Variants in ODR4 observed in about 807,000 individuals in gnomAD.
ODR4 encodes the protein odr-4 GPCR localization factor homolog.
Under a neutral mutation model 60.2 loss-of-function variants are expected in ODR4, and 47 were observed. That is an observed-to-expected ratio of 0.78 (90% confidence interval 0.62 to 1.00). The LOEUF (loss-of-function observed/expected upper bound fraction) is 1.00. Ranked by LOEUF, ODR4 falls within the 50% of genes least tolerant of loss-of-function variation. The pLI is 0.00. For synonymous variants in ODR4, 178 were observed against 175.5 expected (o/e 1.01, Z -0.11); for missense variants, 488 against 530.8 (o/e 0.92, Z 0.79).
chr1:186,412,796 TG>T (rs1226456705), intron 12 of ODR4, among the ~76,000 whole-genome samples: 1 of 152,080 alleles, frequency 6.6e-6, no homozygotes, highest in African/African-American at 2.4e-5. Context: ...TGTGAGAATT[TG>T]GTAAAACTGT....
chr1:186,417,409 T>G, intron 12 of ODR4, 135 bp from the exon 13 acceptor site: 1 of 642,398 alleles, frequency 1.6e-6, no homozygotes, highest in Non-Finnish European at 2.8e-6. Context: ...AATGAACAAA[T>G]TCAGTATGTT....
intron 13 of ODR4, among the ~76,000 whole-genome samples, chr1:186,418,770 A>C (rs1365323829): frequency 6.6e-6 from 1 of 152,220 alleles, no homozygotes. Context: ...CTCAGTGCAC[A>C]TGTGTGCAAG....
intron 10 of ODR4, 66 bp downstream of exon 10, chr1:186,398,507 AT>A (rs1660786717): frequency 4.2e-6 from 6 of 1,436,672 alleles, no homozygotes; most frequent in Non-Finnish European, 4.7e-6. Flanking sequence ...AAATTTTACC[AT>A]TTTTTAATCT....
chr1:186,392,589 G>C (rs373739394), intron 8 of ODR4, among the ~76,000 whole-genome samples: 1 of 152,192 alleles, frequency 6.6e-6, no homozygotes, highest in Non-Finnish European at 1.5e-5. Flanking sequence ...GGCCGAGGTG[G>C]GTGGGTCACT....
At chr1:186,411,168 A>G (rs1051042266) in intron 12 of ODR4, among the ~76,000 whole-genome samples, 1 of 152,202 alleles carries the variant, frequency 6.6e-6, no homozygotes, top group Non-Finnish European at 1.5e-5. Flanking sequence ...TGTTCATTAG[A>G]GCATTTCAGA....
chr1:186,381,614 A>G (rs1660032007), intron 2 of ODR4, among the ~76,000 whole-genome samples: 1 of 152,086 alleles, frequency 6.6e-6, no homozygotes, highest in Non-Finnish European at 1.5e-5. Context: ...GGCGTGAGCC[A>G]CCGCGCCCGG....
At position 186,395,373 on chromosome 1, in the gene ODR4, G is replaced by A. The variant is rs527366274; in HGVS notation, c.780+1358G>A. Reference sequence around the variant, plus strand: ...CTCCCAAAGTGCTGGGATTACAGGCGTGAGCCACCGCGCCTGGCCAGGTGT... The same window carrying A: ...CTCCCAAAGTGCTGGGATTACAGGCATGAGCCACCGCGCCTGGCCAGGTGT... On this transcript the variant is annotated intron_variant, in intron 9 of 13. Transcript: ENST00000287859. Among the ~76,000 whole-genome samples, 4 of 152,146 alleles carry A rather than the reference G, an allele frequency of 2.6e-5. No homozygotes were observed. In the East Asian group the frequency reaches 5.8e-4, roughly 22 times the overall value.
intron 1 of ODR4, among the ~76,000 whole-genome samples, chr1:186,377,914 G>A (rs1355063539): frequency 2.0e-5 from 3 of 152,026 alleles, no homozygotes; most frequent in African/African-American, 4.8e-5. Context: ...GTGTGGTGGC[G>A]GGTGCCTGTA....
At chr1:186,431,420 A>G in the ODR4 span, among the ~76,000 whole-genome samples, 3 of 152,126 alleles carry the variant, frequency 2.0e-5, no homozygotes, top group African/African-American at 7.2e-5. Context: ...TCAAGAATAG[A>G]AAAAAATGAA....
At chr1:186,417,311 C>T (rs942080853) in intron 12 of ODR4, 2 of 381,384 alleles carry the variant, frequency 5.2e-6, no homozygotes, top group African/African-American at 4.3e-5. Flanking sequence ...GTGTGGCCCT[C>T]TGGTTTAGTT....
At chr1:186,395,633 G>A (rs1276095364) in intron 9 of ODR4, among the ~76,000 whole-genome samples, 1 of 152,080 alleles carries the variant, frequency 6.6e-6, no homozygotes, top group African/African-American at 2.4e-5. Flanking sequence ...ACTAGCACAA[G>A]TAGCCCTTAA....
the ODR4 span, among the ~76,000 whole-genome samples, chr1:186,434,570 C>T: frequency 6.6e-6 from 1 of 151,556 alleles, no homozygotes; most frequent in African/African-American, 2.4e-5. Flanking sequence ...AAAACAAAAG[C>T]AACAAAAAAG....
the ODR4 span, among the ~76,000 whole-genome samples, chr1:186,434,471 A>G: frequency 1.3e-5 from 2 of 152,198 alleles, no homozygotes; most frequent in East Asian, 3.8e-4. Flanking sequence ...AAAGAATGGT[A>G]AAATAACTCT....
At chr1:186,393,483 T>C (rs1300554076) in intron 8 of ODR4, among the ~76,000 whole-genome samples, 1 of 152,250 alleles carries the variant, frequency 6.6e-6, no homozygotes, top group African/African-American at 2.4e-5. Context: ...CTAAAATAGC[T>C]TTGACCTGAA....
At chr1:186,409,365 AG>A (rs1661289185) in intron 12 of ODR4, among the ~76,000 whole-genome samples, 1 of 152,240 alleles carries the variant, frequency 6.6e-6, no homozygotes, top group Non-Finnish European at 1.5e-5. Context: ...AAGAGCAAAA[AG>A]GGCCTTTGCC....
chr1:186,407,538 T>A (rs531467454), intron 12 of ODR4, among the ~76,000 whole-genome samples: 1 of 152,164 alleles, frequency 6.6e-6, no homozygotes, highest in Non-Finnish European at 1.5e-5. Flanking sequence ...TGACCTAATT[T>A]AACCTCTTAA....
intron 8 of ODR4, 36 bp downstream of exon 8, chr1:186,391,827 G>T: frequency 7.9e-7 from 1 of 1,273,622 alleles, no homozygotes; most frequent in Non-Finnish European, 1.1e-6. Flanking sequence ...TAAATTGTTA[G>T]TGCTTAAGGA....
At chr1:186,434,436 C>T in the ODR4 span, among the ~76,000 whole-genome samples, 1 of 152,082 alleles carries the variant, frequency 6.6e-6, no homozygotes, top group Non-Finnish European at 1.5e-5. Flanking sequence ...ATGATTGCCT[C>T]TTTAAATTCT....
intron 12 of ODR4, among the ~76,000 whole-genome samples, chr1:186,410,910 G>A (rs1661356733): frequency 6.6e-6 from 1 of 152,062 alleles, no homozygotes; most frequent in Non-Finnish European, 1.5e-5. Flanking sequence ...AGCTACTCAG[G>A]AGGTGGAGGC....
Sources: gnomAD v4.1 joint callset for allele counts (sites outside exome capture counted in the v4.1 genomes callset) on GRCh38, gnomAD v4.1.1 for gene constraint, MANE v1.5 for transcripts, NCBI Gene and HGNC (gene_info 2026-07-23, HGNC 2026-07-21) for gene names.